The following CDK5RAP2 variants were observed in gnomAD, a reference collection of about 807,000 sequenced individuals.
CDK5RAP2 encodes the protein CDK5 regulatory subunit-associated protein 2.
Under a neutral mutation model 232.9 loss-of-function variants are expected in CDK5RAP2, and 147 were observed. The observed-to-expected ratio is 0.63, with a 90% CI of 0.55 to 0.72. The LOEUF (loss-of-function observed/expected upper bound fraction) is 0.72, where lower values mean the gene tolerates loss of function less well. Ranked by LOEUF, CDK5RAP2 falls within the 30% of genes least tolerant of loss-of-function variation. The pLI, the probability that CDK5RAP2 is intolerant of heterozygous loss-of-function variation, is 0.00. For missense variants in CDK5RAP2, 2,195 were observed against 2,231.5 expected (o/e 0.98, Z 0.33); for synonymous variants, 833 against 833.7 (o/e 1.00, Z 0.01).
intron 34 of CDK5RAP2, among the ~76,000 whole-genome samples, chr9:120,401,356 C>G (rs556849942): frequency 6.6e-6 from 1 of 152,004 alleles, no homozygotes; most frequent in South Asian, 2.1e-4. Flanking sequence ...ATCAAGGGCA[C>G]AAGAAAATTA....
chr9:120,419,889 A>C lies in CDK5RAP2; in HGVS notation c.4076T>G (p.Leu1359Arg). The change falls in exon 27 of 38, where the codon CTC becomes CGC. Residue 1359 changes from leucine (L) to arginine (R), a missense_variant. By Grantham distance (102) the Leu-to-Arg change is moderately radical. Coordinates refer to ENST00000349780, the MANE Select transcript of CDK5RAP2 (RefSeq NM_018249.6). Reference sequence around the variant, plus strand: ...CTTTTCAGATGTTTCATAATCAGAGAGCGCATGAGAGGCTGAAGGCTCAGG... The same window carrying C: ...CTTTTCAGATGTTTCATAATCAGAGCGCGCATGAGAGGCTGAAGGCTCAGG... Reference protein sequence around the residue: ...ESPEPSASHALSDYETSEKSF... With the variant: ...ESPEPSASHARSDYETSEKSF... 1 of 1,613,642 alleles carries C rather than the reference A, an allele frequency of 6.2e-7. No individual in the cohort carries two copies. The highest frequency in any genetic ancestry group is 8.5e-7 in the Non-Finnish European group (1 of 1,179,570).
intron 35 of CDK5RAP2, among the ~76,000 whole-genome samples, chr9:120,399,612 C>T (rs535033658): frequency 6.6e-6 from 1 of 152,286 alleles, no homozygotes; most frequent in East Asian, 1.9e-4. Flanking sequence ...ACACTCCAGG[C>T]AGTCAGGCCA....
At chr9:120,523,970 G>A (rs1354758215) in intron 11 of CDK5RAP2, among the ~76,000 whole-genome samples, 1 of 152,114 alleles carries the variant, frequency 6.6e-6, no homozygotes, top group African/African-American at 2.4e-5. Context: ...CTGGAGAGGA[G>A]CAGCTGGGAC....
Position 120,424,181 on chromosome 9 carries a change from T to C in CDK5RAP2, c.3956-1440A>G, listed in dbSNP as rs538080503. ...GAGGTTTAATGTTTCAACTCTCCCTTTGTCTGATCACACTCTCCCTTACTT... is the reference window on the plus strand; with the variant it reads ...GAGGTTTAATGTTTCAACTCTCCCTCTGTCTGATCACACTCTCCCTTACTT... On this transcript the variant is annotated intron_variant, in intron 25 of 37. Transcript: ENST00000349780. 6.6e-5 allele frequency among the ~76,000 whole-genome samples: 10 copies of C among 152,356 alleles called. No individual in the cohort carries two copies. In the East Asian group the frequency reaches 1.5e-3, roughly 23 times the overall value.
chr9:120,411,495 A>G (rs779743512), intron 28 of CDK5RAP2, 21 bp from the exon 29 acceptor site: 4 of 1,326,420 alleles, frequency 3.0e-6, no homozygotes, highest in African/African-American at 2.9e-5. Flanking sequence ...ACACATAAAA[A>G]CTGATTTATA....
At chr9:120,508,174 T>A (rs992291194) in intron 12 of CDK5RAP2, among the ~76,000 whole-genome samples, 2 of 152,010 alleles carry the variant, frequency 1.3e-5, no homozygotes, top group African/African-American at 2.4e-5. Context: ...TGGTTACCTT[T>A]AAATATACAA....
intron 15 of CDK5RAP2, 21 bp downstream of exon 15, chr9:120,477,329 T>A (rs1277757515): frequency 3.9e-6 from 6 of 1,545,362 alleles, no homozygotes; most frequent in African/African-American, 1.4e-5. Context: ...ACATGTGTGA[T>A]GTCCAGACAG....
intron 18 of CDK5RAP2, among the ~76,000 whole-genome samples, chr9:120,462,646 T>C (rs2037155784): frequency 6.6e-6 from 1 of 152,166 alleles, no homozygotes; most frequent in Non-Finnish European, 1.5e-5. Flanking sequence ...TAAAAGAATA[T>C]ATACAAAAGA....
chr9:120,449,070 C>T (rs1031022867), intron 21 of CDK5RAP2, among the ~76,000 whole-genome samples: 1 of 152,188 alleles, frequency 6.6e-6, no homozygotes, highest in Non-Finnish European at 1.5e-5. Context: ...ACATCCATAC[C>T]ACAGCCTACA....
chr9:120,525,131 G>A, intron 10 of CDK5RAP2, 53 bp from the exon 11 acceptor site: 3 of 1,296,248 alleles, frequency 2.3e-6, no homozygotes, highest in Non-Finnish European at 2.2e-6. Flanking sequence ...TCTCCTCTCT[G>A]CACAGCCCAC....
intron 36 of CDK5RAP2, among the ~76,000 whole-genome samples, chr9:120,390,730 C>A (rs2031873991): frequency 6.6e-6 from 1 of 152,188 alleles, no homozygotes; most frequent in Admixed American, 6.5e-5. Flanking sequence ...TGGAGCCGCG[C>A]CTTTAGCCAA....
chr9:120,458,407 C>T (rs1472366208), intron 20 of CDK5RAP2, 43 bp downstream of exon 20: 1 of 1,596,414 alleles, frequency 6.3e-7, no homozygotes, highest in Non-Finnish European at 8.6e-7. Context: ...TTGTTCTCCC[C>T]TAGAACTAGA....
At chr9:120,469,119 T>A (rs2037547253) in intron 17 of CDK5RAP2, among the ~76,000 whole-genome samples, 1 of 152,182 alleles carries the variant, frequency 6.6e-6, no homozygotes, top group Admixed American at 6.5e-5. Context: ...GCCTCCATAC[T>A]CCTTGCCCTA....
chr9:120,436,402 G>A (rs1027438242), intron 25 of CDK5RAP2, among the ~76,000 whole-genome samples: 1 of 152,218 alleles, frequency 6.6e-6, no homozygotes, highest in Non-Finnish European at 1.5e-5. Context: ...TAAATGTAAC[G>A]TGGAGACTGG....
At chr9:120,422,342 A>G (rs1340141769) in intron 26 of CDK5RAP2, among the ~76,000 whole-genome samples, 1 of 152,196 alleles carries the variant, frequency 6.6e-6, no homozygotes, top group Non-Finnish European at 1.5e-5. Context: ...GAGAATGGGC[A>G]GGGGAGAAGA....
Position 120,407,137 on chromosome 9 carries a change from C to T in CDK5RAP2, c.4838G>A (p.Ser1613Asn), listed in dbSNP as rs202075321. Residue 1613 changes from serine (S) to asparagine (N), a missense_variant, in exon 32 of 38, where the codon AGC becomes AAC. Physicochemically the swap from Ser to Asn is conservative, Grantham distance 46. Transcript: ENST00000349780. ...TTCCTTGAGCCTGCTCTGCAGAGTG[C>T]TGCTGGTTTCGATGCTCCTTTCTAG... ...LQLERSIETS[S>N]TLQSRLKEQL... 8.4e-5 allele frequency: 136 copies of T among 1,614,066 alleles called. No individual in the cohort carries two copies. The African/African-American group carries it at 1.7e-3, about 20-fold the overall frequency.
chr9:120,445,701 C>T (rs2036148638), intron 22 of CDK5RAP2, among the ~76,000 whole-genome samples: 1 of 152,204 alleles, frequency 6.6e-6, no homozygotes. Context: ...GGCTGGTCTT[C>T]TTGGTCCAAC....
intron 36 of CDK5RAP2, among the ~76,000 whole-genome samples, chr9:120,392,782 C>G (rs1368572435): frequency 6.6e-6 from 1 of 152,144 alleles, no homozygotes; most frequent in Non-Finnish European, 1.5e-5. Flanking sequence ...GCCAGGTTGA[C>G]CTCCTTACAA....
At chr9:120,522,369 T>C (rs1332334977) in intron 11 of CDK5RAP2, among the ~76,000 whole-genome samples, 1 of 152,256 alleles carries the variant, frequency 6.6e-6, no homozygotes, top group Admixed American at 6.5e-5. Flanking sequence ...TTGGTAGGTC[T>C]ACATATACTG....
Sources: allele counts gnomAD v4.1 joint callset (sites outside exome capture counted in the v4.1 genomes callset), GRCh38; gene constraint gnomAD v4.1.1; transcripts MANE v1.5; gene names NCBI Gene and HGNC (gene_info 2026-07-23, HGNC 2026-07-21).